COP1: variants seen among roughly 807,000 people sequenced by gnomAD.
COP1 encodes the protein COP1 E3 ubiquitin ligase.
Under a neutral mutation model 101.3 loss-of-function variants are expected in COP1, and 24 were observed. The observed-to-expected ratio is 0.24, with a 90% CI of 0.17 to 0.33. COP1 has a LOEUF of 0.33. Ranked by LOEUF, COP1 falls within the 10% of genes least tolerant of loss-of-function variation. The pLI, the probability that COP1 is intolerant of heterozygous loss-of-function variation, is 1.00. For missense variants in COP1, 663 were observed against 906.2 expected (o/e 0.73, Z 3.45); for synonymous variants, 347 against 341.9 (o/e 1.01, Z -0.17).
chr1:176,042,067 G>GC (rs1670651194), intron 14 of COP1, among the ~76,000 whole-genome samples: 1 of 151,092 alleles, frequency 6.6e-6, no homozygotes. Flanking sequence ...AGCGGAGATT[G>GC]CCCCACTGTA....
chr1:175,964,445 A>AT (rs1320344723), intron 18 of COP1, among the ~76,000 whole-genome samples: 1 of 152,168 alleles, frequency 6.6e-6, no homozygotes, highest in African/African-American at 2.4e-5. Flanking sequence ...CCAGAAGATG[A>AT]TTTTTAATTT....
intron 1 of COP1, among the ~76,000 whole-genome samples, chr1:176,189,414 T>C (rs1698857111): frequency 1.3e-5 from 2 of 152,154 alleles, no homozygotes; most frequent in East Asian, 1.9e-4. Context: ...TTGTTTCTCA[T>C]TTTTTAGTGA....
intron 14 of COP1, among the ~76,000 whole-genome samples, chr1:176,028,051 A>G (rs761607211): frequency 1.3e-5 from 2 of 152,134 alleles, no homozygotes; most frequent in Non-Finnish European, 2.9e-5. Context: ...TTATAAAACC[A>G]TCAGATCTCA....
intron 18 of COP1, among the ~76,000 whole-genome samples, chr1:175,984,921 A>G (rs962936009): frequency 6.6e-6 from 1 of 152,160 alleles, no homozygotes; most frequent in African/African-American, 2.4e-5. Context: ...TATTCTCTTC[A>G]TATCTAGGAA....
intron 1 of COP1, among the ~76,000 whole-genome samples, chr1:176,193,297 T>C (rs1360702710): frequency 6.6e-6 from 1 of 152,134 alleles, no homozygotes; most frequent in African/African-American, 2.4e-5. Flanking sequence ...GTGGAGAAAT[T>C]AGAACCCTTA....
At chr1:176,206,326 C>A (rs1181361672) in intron 1 of COP1, 5 of 521,396 alleles carry the variant, frequency 9.6e-6, no homozygotes, top group Non-Finnish European at 3.4e-6. Flanking sequence ...CCCTTCACTT[C>A]CTCCTCAGCA....
chr1:175,962,105 A>G (rs1651448196), intron 18 of COP1, among the ~76,000 whole-genome samples: 1 of 141,322 alleles, frequency 7.1e-6, no homozygotes, highest in African/African-American at 2.5e-5. Context: ...TATGCAAAAA[A>G]TAGATAGGAG....
intron 18 of COP1, among the ~76,000 whole-genome samples, chr1:175,980,459 T>C (rs539024977): frequency 6.6e-6 from 1 of 152,282 alleles, no homozygotes; most frequent in South Asian, 2.1e-4. Flanking sequence ...AATTTAATGA[T>C]GTAACTGAAA....
intron 11 of COP1, among the ~76,000 whole-genome samples, chr1:176,073,534 A>G (rs1677385759): frequency 6.6e-6 from 1 of 152,254 alleles, no homozygotes; most frequent in Admixed American, 6.5e-5. Context: ...CTGAACACCT[A>G]ATAGAATAAA....
intron 15 of COP1, among the ~76,000 whole-genome samples, chr1:176,006,199 T>G (rs968919587): frequency 2.0e-5 from 3 of 152,048 alleles, no homozygotes; most frequent in African/African-American, 7.2e-5. Flanking sequence ...TCCATTTGCT[T>G]GGTAGATCTT....
rs36053042 is a variant in COP1, at chr1:175,989,516, C to A, written c.1730-37G>T. 3.4e-6 allele frequency: 4 copies of A among 1,167,846 alleles called. No homozygotes were observed. The South Asian group carries it at 3.8e-5, about 11-fold the overall frequency. 72.3% of individuals were successfully genotyped at this position (1,167,846 alleles called of 1,614,324 possible). A position where few individuals can be genotyped will look rare whatever the true frequency, so the allele number is the denominator to read the frequency against. ...CAAAATTAGATAAATGTAGTAAATGCAGAAATGGAAAGCAAAGTTAATTTT... is the reference window on the plus strand; with the variant it reads ...CAAAATTAGATAAATGTAGTAAATGAAGAAATGGAAAGCAAAGTTAATTTT... On this transcript the variant is annotated intron_variant, in intron 15 of 19. Transcript: ENST00000367669.
chr1:175,973,289 A>T (rs1653729432), intron 18 of COP1, among the ~76,000 whole-genome samples: 1 of 152,254 alleles, frequency 6.6e-6, no homozygotes, highest in African/African-American at 2.4e-5. Context: ...TTGAGAATTT[A>T]AAATAAAAGA....
chr1:175,981,181 T>A lies in COP1; in HGVS notation c.2133+5762A>T, dbSNP rs542750080. Among the ~76,000 whole-genome samples the A allele has an allele frequency of 1.2e-4, 19 of 152,248 alleles. No individual in the cohort carries two copies. In the Middle Eastern group the frequency reaches 0.01, roughly 82 times the overall value. On this transcript the variant is annotated intron_variant, in intron 18 of 19. Transcript: ENST00000367669. The stretch of plus-strand genomic sequence containing the variant: ...TTAGTGTAGGTTTGCTGATTGAAAA[T>A]TTTTCAGGTTTATTTATTTTAAAAT...
At chr1:176,152,039 C>T (rs1021480362) in intron 5 of COP1, among the ~76,000 whole-genome samples, 2 of 151,658 alleles carry the variant, frequency 1.3e-5, no homozygotes, top group Non-Finnish European at 1.5e-5. Flanking sequence ...CTGCAAAATC[C>T]TAGCACTGCG....
chr1:176,046,055 C>A, intron 12 of COP1, 126 bp downstream of exon 12: 1 of 713,354 alleles, frequency 1.4e-6, no homozygotes, highest in Non-Finnish European at 2.3e-6. Flanking sequence ...ACTCTGTATA[C>A]ATAGTACAAT....
intron 15 of COP1, among the ~76,000 whole-genome samples, chr1:176,003,626 G>C (rs1309724187): frequency 2.0e-5 from 3 of 151,938 alleles, no homozygotes; most frequent in African/African-American, 7.3e-5. Flanking sequence ...CCCATTGCTT[G>C]TTTTTCTCAG....
At chr1:176,003,020 T>TG (rs1243308370) in intron 15 of COP1, among the ~76,000 whole-genome samples, 2 of 149,864 alleles carry the variant, frequency 1.3e-5, no homozygotes, top group African/African-American at 4.9e-5. Flanking sequence ...CAGCACCTGT[T>TG]GTTTCCTGAG....
chr1:176,094,920 A>G (rs541485156), intron 9 of COP1, among the ~76,000 whole-genome samples: 36 of 152,316 alleles, frequency 2.4e-4, no homozygotes, highest in African/African-American at 7.5e-4. Flanking sequence ...TACAAAAGCA[A>G]TGAGATCTTC....
chr1:175,976,587 C>G (rs1398509053), intron 18 of COP1, among the ~76,000 whole-genome samples: 1 of 152,030 alleles, frequency 6.6e-6, no homozygotes, highest in East Asian at 1.9e-4. Flanking sequence ...CTCATTTATT[C>G]CTTCTTATTA....
Sources: allele counts gnomAD v4.1 joint callset (sites outside exome capture counted in the v4.1 genomes callset), GRCh38; gene constraint gnomAD v4.1.1; transcripts MANE v1.5; gene names NCBI Gene and HGNC (gene_info 2026-07-23, HGNC 2026-07-21).